UBE2W: variants seen among roughly 807,000 people sequenced by gnomAD.
The protein encoded by UBE2W is ubiquitin-conjugating enzyme E2 W.
UBE2W carries 18 observed loss-of-function variants against 27.2 expected under a neutral mutation model. That is an observed-to-expected ratio of 0.66 (90% CI 0.46 to 0.98). The LOEUF is 0.98. Ranked by LOEUF, UBE2W falls within the 50% of genes least tolerant of loss-of-function variation. The pLI is 0.00. For synonymous variants in UBE2W, 53 were observed against 57.2 expected (o/e 0.93, Z 0.33); for missense variants, 90 against 180.2 (o/e 0.50, Z 2.87).
In UBE2W at chr8:73,825,127, A is replaced by T; in HGVS notation, c.210+20T>A. 2 of 1,489,550 alleles carry T rather than the reference A, an allele frequency of 1.3e-6. No homozygotes were observed. The highest frequency in any genetic ancestry group is 1.8e-6 in the Non-Finnish European group (2 of 1,111,276). The allele number at this position is 1,489,550 out of a possible 1,614,324, so 92.3% of individuals were successfully genotyped here. A position where few individuals can be genotyped will look rare whatever the true frequency, so the allele number is the denominator to read the frequency against. On this transcript the variant is annotated intron_variant, in intron 3 of 5. Coordinates refer to ENST00000602593, the MANE Select transcript of UBE2W (RefSeq NM_018299.6). Reference sequence around the variant, plus strand: ...GCTATCTAAAAATACAAAAAAAAAAATTTAAAGCAAGGCAATTACCTGAGG... The same window carrying T: ...GCTATCTAAAAATACAAAAAAAAAATTTTAAAGCAAGGCAATTACCTGAGG...
Position 73,863,839 on chromosome 8 carries a change from AT to A in UBE2W, c.15+14968del, listed in dbSNP as rs200146957. ...AATTAAATCATAACGTGGGGATGGTATTTTTTTTAAAGTTTCCCAGGTGATT... is the reference window on the plus strand; with the variant it reads ...AATTAAATCATAACGTGGGGATGGTATTTTTTTAAAGTTTCCCAGGTGATT... On this transcript the variant is annotated intron_variant, in intron 1 of 5. Coordinates refer to ENST00000602593, the MANE Select transcript of UBE2W (RefSeq NM_018299.6). Among the ~76,000 whole-genome samples, 815 of 151,876 alleles carry A rather than the reference AT, an allele frequency of 5.4e-3. 6 individuals carry two copies. The highest frequency in any genetic ancestry group is 0.017 in the African/African-American group (721 of 41,418).
chr8:73,825,011 T>C (rs1006958506), intron 3 of UBE2W, 136 bp downstream of exon 3: 1 of 593,806 alleles, frequency 1.7e-6, no homozygotes, highest in Non-Finnish European at 3.0e-6. Context: ...ATCTTGATTA[T>C]ATGACAAATA....
At chr8:73,867,690 T>C (rs1046154266) in intron 1 of UBE2W, among the ~76,000 whole-genome samples, 7 of 146,052 alleles carry the variant, frequency 4.8e-5, no homozygotes, top group African/African-American at 1.5e-4. Flanking sequence ...CCAGCGTGAG[T>C]GACGGAGTGA....
intron 1 of UBE2W, among the ~76,000 whole-genome samples, chr8:73,859,489 G>A (rs1158226361): frequency 1.3e-5 from 2 of 152,214 alleles, no homozygotes; most frequent in African/African-American, 4.8e-5. Flanking sequence ...CTGGGTGACA[G>A]AGTACTTAAT....
intron 1 of UBE2W, among the ~76,000 whole-genome samples, chr8:73,832,332 C>A (rs532841973): frequency 6.6e-6 from 1 of 152,018 alleles, no homozygotes; most frequent in Admixed American, 6.6e-5. Flanking sequence ...AAAATCATAA[C>A]AAAAAGAAGC....
intron 5 of UBE2W, chr8:73,795,749 T>G: frequency 7.2e-6 from 7 of 976,334 alleles, no homozygotes; most frequent in South Asian, 4.7e-5. Context: ...GAATAGTATC[T>G]TTAAGAAAAC....
chr8:73,804,058 G>A (rs77329988), intron 5 of UBE2W, among the ~76,000 whole-genome samples: 4,767 of 151,858 alleles, frequency 0.031, 233 homozygotes, highest in African/African-American at 0.1. Context: ...GAGCCACCAC[G>A]CCCGGCCACT....
chr8:73,798,455 C>A (rs1344553625), intron 5 of UBE2W, among the ~76,000 whole-genome samples: 1 of 152,132 alleles, frequency 6.6e-6, no homozygotes, highest in African/African-American at 2.4e-5. Flanking sequence ...AAACCCAAAA[C>A]ACTTCTGGTC....
At chr8:73,845,234 G>A (rs1401217914) in intron 1 of UBE2W, among the ~76,000 whole-genome samples, 3 of 152,318 alleles carry the variant, frequency 2.0e-5, no homozygotes, top group Admixed American at 6.5e-5. Context: ...CATTGAGAAC[G>A]GGCCATGATG....
chr8:73,810,534 C>A lies in UBE2W; in HGVS notation c.306G>T (p.Ala102=), dbSNP rs200182088. The change falls in exon 4 of 6, where the codon GCG becomes GCT. Residue 102 remains alanine (A), a synonymous_variant. Coordinates refer to ENST00000602593, the MANE Select transcript of UBE2W (RefSeq NM_018299.6). ...LSILTEDWSP[A]LSVQSVCLSI... is the part of the protein sequence containing the mutation. ...TAAGACAAACTGATTGGACTGAGAG[C>A]GCTGGGGACCAGTCTTCTGTTAGAA... 2 of 1,612,802 alleles carry A rather than the reference C, an allele frequency of 1.2e-6. No homozygotes were observed. The highest frequency in any genetic ancestry group is 1.3e-5 in the African/African-American group (1 of 74,972).
intron 2 of UBE2W, among the ~76,000 whole-genome samples, chr8:73,829,257 G>A (rs1809975459): frequency 6.6e-6 from 1 of 152,100 alleles, no homozygotes; most frequent in Middle Eastern, 3.4e-3. Flanking sequence ...AAAAATAAAC[G>A]ATGAAAGAAG....
chr8:73,877,513 A>C (rs188184696), intron 1 of UBE2W, among the ~76,000 whole-genome samples: 1 of 152,328 alleles, frequency 6.6e-6, no homozygotes, highest in Admixed American at 6.5e-5. Flanking sequence ...ATGTGAAGCA[A>C]AGCTATATTT....
At chr8:73,848,710 A>G (rs1228829407) in intron 1 of UBE2W, among the ~76,000 whole-genome samples, 1 of 152,142 alleles carries the variant, frequency 6.6e-6, no homozygotes, top group Non-Finnish European at 1.5e-5. Context: ...AACAAAAAAG[A>G]AATCAGGATG....
chr8:73,793,755 T>C lies in UBE2W; in HGVS notation c.*347A>G. ...CTGTTACAACGCCCATTGCCGGCAA[T>C]GAACGTACCAAAACCGCCAAGGAAG... On this transcript the variant is annotated 3_prime_UTR_variant, in exon 6 of 6. Transcript: ENST00000602593. 3 of 1,033,928 alleles carry C rather than the reference T, an allele frequency of 2.9e-6. No individual in the cohort carries two copies. The highest frequency in any genetic ancestry group is 4.6e-4 in the Middle Eastern group (1 of 2,172). The allele number at this position is 1,033,928 out of a possible 1,614,324, so 64.0% of individuals were successfully genotyped here.
At chr8:73,782,968 CATCATTGTTTTT>C (rs1463250698), downstream of UBE2W, among the ~76,000 whole-genome samples, 1 of 152,032 alleles carries the variant, frequency 6.6e-6, no homozygotes, top group African/African-American at 2.4e-5. Flanking sequence ...AGTGGTATCT[CATCATTGTTTTT>C]ATCATTGTTT....
At chr8:73,877,265 C>T (rs1812272312) in intron 1 of UBE2W, among the ~76,000 whole-genome samples, 1 of 152,158 alleles carries the variant, frequency 6.6e-6, no homozygotes, top group South Asian at 2.1e-4. Flanking sequence ...TCCACTGTTC[C>T]TTTTTTGGCC....
chr8:73,848,062 G>A (rs1441611149), intron 1 of UBE2W, among the ~76,000 whole-genome samples: 1 of 149,998 alleles, frequency 6.7e-6, no homozygotes, highest in African/African-American at 2.5e-5. Context: ...TTAGCTGGGT[G>A]TCGTGGCGCA....
At chr8:73,811,600 T>C (rs188755383) in intron 3 of UBE2W, among the ~76,000 whole-genome samples, 163 of 152,266 alleles carry the variant, frequency 1.1e-3, no homozygotes, top group African/African-American at 3.5e-3. Flanking sequence ...AGTTGGAAGA[T>C]CTGCTTAAAA....
intron 4 of UBE2W, among the ~76,000 whole-genome samples, chr8:73,808,391 C>A (rs532618934): frequency 6.6e-6 from 1 of 152,198 alleles, no homozygotes; most frequent in African/African-American, 2.4e-5. Flanking sequence ...TGCGCCACCA[C>A]GCCCAGCTAA....
Sources: allele counts gnomAD v4.1 joint callset (sites outside exome capture counted in the v4.1 genomes callset), GRCh38; gene constraint gnomAD v4.1.1; transcripts MANE v1.5; gene names NCBI Gene and HGNC (gene_info 2026-07-23, HGNC 2026-07-21).